The following PCBP3 variants were observed in gnomAD, a reference collection of about 807,000 sequenced individuals.
PCBP3 encodes the protein poly(rC)-binding protein 3.
PCBP3 carries 25 observed loss-of-function variants against 52.7 expected under a neutral mutation model. That is an observed-to-expected ratio of 0.47 (90% confidence interval 0.35 to 0.66). PCBP3 has a LOEUF of 0.66. Among genes scored for constraint, PCBP3 ranks in the 30% least tolerant of loss-of-function variants. The pLI, the probability that PCBP3 is intolerant of heterozygous loss-of-function variation, is 0.01. For missense variants in PCBP3, 391 were observed against 490.3 expected (o/e 0.80, Z 1.91); for synonymous variants, 162 against 183.0 (o/e 0.89, Z 0.93).
At chr21:45,647,703 G>C (rs897867672) in intron 1 of PCBP3, among the ~76,000 whole-genome samples, 1 of 152,160 alleles carries the variant, frequency 6.6e-6, no homozygotes, top group African/African-American at 2.4e-5. Context: ...AGTGTTAGGG[G>C]CATTGTGAAA....
intron 5 of PCBP3, among the ~76,000 whole-genome samples, chr21:45,894,701 G>T (rs985868826): frequency 3.3e-5 from 5 of 152,242 alleles, no homozygotes; most frequent in African/African-American, 1.2e-4. Context: ...ACACGAGGCT[G>T]TTTGGCACTT....
intron 1 of PCBP3, among the ~76,000 whole-genome samples, chr21:45,662,308 A>G (rs1207766025): frequency 5.5e-5 from 6 of 108,748 alleles, no homozygotes; most frequent in South Asian, 5.6e-4. Flanking sequence ...TTTTGTAGAG[A>G]TGGGGTTTCA....
chr21:45,897,286 C>A (rs1213672855), intron 6 of PCBP3, among the ~76,000 whole-genome samples: 1 of 152,184 alleles, frequency 6.6e-6, no homozygotes, highest in African/African-American at 2.4e-5. Flanking sequence ...TCACAGCGGC[C>A]GCAAAGCATC....
At chr21:45,747,311 G>T (rs2086990682) in intron 3 of PCBP3, among the ~76,000 whole-genome samples, 1 of 152,230 alleles carries the variant, frequency 6.6e-6, no homozygotes. Context: ...CACGACACGT[G>T]GGGATTATGG....
At chr21:45,892,685 T>G (rs1411009794) in intron 5 of PCBP3, among the ~76,000 whole-genome samples, 1 of 152,116 alleles carries the variant, frequency 6.6e-6, no homozygotes, top group Non-Finnish European at 1.5e-5. Context: ...TGTGGCTAAA[T>G]TGGGCTCCCA....
intron 16 of PCBP3, 47 bp from the exon 17 acceptor site, chr21:45,939,983 G>A (rs1569513808): frequency 1.3e-6 from 2 of 1,564,762 alleles, no homozygotes; most frequent in Non-Finnish European, 1.7e-6. Flanking sequence ...GTCTTCAGGG[G>A]CTGGCTTGGG....
intron 4 of PCBP3, chr21:45,763,623 A>G (rs1457014509): frequency 6.6e-6 from 1 of 152,276 alleles, no homozygotes; most frequent in Non-Finnish European, 1.5e-5. Flanking sequence ...GCCGTGGTCG[A>G]GCATCAGGAT....
intron 4 of PCBP3, among the ~76,000 whole-genome samples, chr21:45,839,499 A>C (rs2093654956): frequency 6.6e-6 from 1 of 152,188 alleles, no homozygotes. Flanking sequence ...CATCAGAAAA[A>C]TATTTCCTGT....
At chr21:45,814,739 G>T (rs1282692321) in intron 4 of PCBP3, among the ~76,000 whole-genome samples, 1 of 138,430 alleles carries the variant, frequency 7.2e-6, no homozygotes. Flanking sequence ...TGGTGAGTGA[G>T]TGGTGAGTGA....
At position 45,837,534 on chromosome 21, in the gene PCBP3, A is replaced by G. The variant is rs981185153; in HGVS notation, c.-125-12427A>G. Among the ~76,000 whole-genome samples, 1 of 151,942 alleles carries G rather than the reference A, an allele frequency of 6.6e-6. No homozygotes were observed. The highest frequency in any genetic ancestry group is 2.4e-5 in the African/African-American group (1 of 41,352). On this transcript the variant is annotated intron_variant, in intron 4 of 17. Coordinates refer to ENST00000681687, the MANE Select transcript of PCBP3 (RefSeq NM_001384156.1). This position sits in a 1 kb window ranked among gnomAD's most constrained non-coding sequence, Gnocchi z 4.1. ...TTCTCCTGCGGGCGGTTTCATGTCGAAGGCCTACCTGTAGCCCTGGGTTGT... is the reference window on the plus strand; with the variant it reads ...TTCTCCTGCGGGCGGTTTCATGTCGGAGGCCTACCTGTAGCCCTGGGTTGT...
chr21:45,936,869 ATCC>A (rs1296064602), intron 16 of PCBP3, among the ~76,000 whole-genome samples: 9 of 152,114 alleles, frequency 5.9e-5, no homozygotes, highest in Non-Finnish European at 1.0e-4. Flanking sequence ...CTCACTTCCC[ATCC>A]TCCTCCTGGG....
At chr21:45,755,869 T>TA (rs1175582790) in intron 4 of PCBP3, among the ~76,000 whole-genome samples, 1 of 152,228 alleles carries the variant, frequency 6.6e-6, no homozygotes, top group Non-Finnish European at 1.5e-5. Flanking sequence ...TGTTTTCTCC[T>TA]AAAGTATGCC....
At chr21:45,849,841 G>A (rs573690175) in intron 4 of PCBP3, 120 bp from the exon 5 acceptor site, 72 of 538,230 alleles carry the variant, frequency 1.3e-4, no homozygotes, top group African/African-American at 1.1e-3. Context: ...CCTTGTACTC[G>A]AATGCTGAAG....
chr21:45,907,393 C>T (rs942198501), intron 9 of PCBP3, among the ~76,000 whole-genome samples: 7 of 152,210 alleles, frequency 4.6e-5, no homozygotes, highest in East Asian at 1.9e-4. Context: ...GCTGCCCTCA[C>T]GCCAGCGCCT....
chr21:45,897,855 G>A (rs996996085), intron 6 of PCBP3, among the ~76,000 whole-genome samples: 4 of 152,134 alleles, frequency 2.6e-5, no homozygotes, highest in African/African-American at 9.7e-5. Flanking sequence ...CTCCCTATAT[G>A]GAACCCCAGT....
rs191197429 is a variant in PCBP3 at position 45,725,225 on chromosome 21, G to A, written c.-199-10167G>A. Among the ~76,000 whole-genome samples the A allele has an allele frequency of 3.3e-3, 507 of 152,114 alleles. 1 individual carries two copies. The highest frequency in any genetic ancestry group is 5.4e-3 in the Non-Finnish European group (369 of 68,002). ...GTGGTAGCTTCCACCTGCTGCCTGC[G>A]CTTGGGAAGTGCCCTGACCTCTGAG... On this transcript the variant is annotated intron_variant, in intron 2 of 17. Coordinates refer to ENST00000681687, the MANE Select transcript of PCBP3 (RefSeq NM_001384156.1).
At chr21:45,884,449 C>T (rs1277619652) in intron 5 of PCBP3, among the ~76,000 whole-genome samples, 1 of 152,044 alleles carries the variant, frequency 6.6e-6, no homozygotes, top group Admixed American at 6.5e-5. Flanking sequence ...TATATATACA[C>T]ACACAAATAT....
At chr21:45,646,830 C>G (rs543449360) in intron 1 of PCBP3, among the ~76,000 whole-genome samples, 2 of 152,330 alleles carry the variant, frequency 1.3e-5, no homozygotes, top group South Asian at 4.1e-4. Context: ...AGGGTTGACT[C>G]TAGCATGTTT....
In PCBP3 at chr21:45,800,339, G is replaced by T. The variant is rs1406467716; in HGVS notation, c.-126+44887G>T. Among the ~76,000 whole-genome samples, 1 of 152,164 alleles carries T rather than the reference G, an allele frequency of 6.6e-6. No homozygotes were observed. Among genetic ancestry groups the T allele is most frequent in the African/African-American group, 2.4e-5 (1 of 41,446 alleles). On this transcript the variant is annotated intron_variant, in intron 4 of 17. Transcript: ENST00000681687. This position sits in a 1 kb window ranked among gnomAD's most constrained non-coding sequence, Gnocchi z 5.3. ...GCAGGATGTGGGAGCAAGCCTGTGC[G>T]CCCTGAGCCAGGCCTTCTGTGAAGT...
Sources: gnomAD v4.1 joint callset for allele counts (sites outside exome capture counted in the v4.1 genomes callset) on GRCh38, gnomAD v4.1.1 for gene constraint, Gnocchi (gnomAD v3.1) non-coding constraint, MANE v1.5 for transcripts, NCBI Gene and HGNC (gene_info 2026-07-23, HGNC 2026-07-21) for gene names.